The following ADCY1 variants were observed in gnomAD, a reference collection of about 807,000 sequenced individuals.
ADCY1 encodes the protein adenylate cyclase 1, also known as adenylate cyclase type 1.
In ADCY1, 28 loss-of-function variants were observed where a neutral mutation model predicts 105.4. That is an observed-to-expected ratio of 0.27 (90% CI 0.20 to 0.36). The LOEUF is 0.36. Among genes scored for constraint, ADCY1 ranks in the 10% least tolerant of loss-of-function variants. The pLI is 1.00. For synonymous variants in ADCY1, 655 were observed against 623.8 expected (o/e 1.05, Z -0.75); for missense variants, 977 against 1,434.2 (o/e 0.68, Z 5.15).
At chr7:45,650,094 T>C (rs754878977) in intron 5 of ADCY1, among the ~76,000 whole-genome samples, 4 of 152,162 alleles carry the variant, frequency 2.6e-5, no homozygotes, top group Non-Finnish European at 5.9e-5. Context: ...TCACAGCATA[T>C]CATATATATT....
intron 17 of ADCY1, 132 bp downstream of exon 17, chr7:45,704,748 G>T: frequency 1.4e-6 from 1 of 700,876 alleles, no homozygotes. Context: ...CAGCTTGAGT[G>T]CTGTTTTTGT....
Position 45,679,239 on chromosome 7 carries a change from G to A in ADCY1, c.1899-470G>A, listed in dbSNP as rs147471596. Reference sequence around the variant, plus strand: ...GGAGGAGGAGGGAGTTCAGCCCTGGGTGCTCTGCATCCTGCCCAGCCCACA... The same window carrying A: ...GGAGGAGGAGGGAGTTCAGCCCTGGATGCTCTGCATCCTGCCCAGCCCACA... On this transcript the variant is annotated intron_variant, in intron 10 of 19. Coordinates refer to ENST00000297323, the MANE Select transcript of ADCY1 (RefSeq NM_021116.4). Among the ~76,000 whole-genome samples the A allele has an allele frequency of 8.6e-3, 1,308 of 152,282 alleles. 25 individuals are homozygous for A. The highest frequency in any genetic ancestry group is 0.03 in the African/African-American group (1,239 of 41,544).
chr7:45,617,019 G>A (rs1285533110), intron 3 of ADCY1, among the ~76,000 whole-genome samples: 3 of 152,198 alleles, frequency 2.0e-5, no homozygotes, highest in Non-Finnish European at 4.4e-5. Flanking sequence ...CAGCTGGGAG[G>A]CTGTAAGCAG....
chr7:45,688,941 G>A (rs1784738100), intron 14 of ADCY1, among the ~76,000 whole-genome samples: 1 of 151,400 alleles, frequency 6.6e-6, no homozygotes, highest in Admixed American at 6.6e-5. Context: ...TCTACCCGCT[G>A]TCTGTAGATT....
In ADCY1 at chr7:45,574,706, C is replaced by A. The variant is rs1191770455; in HGVS notation, c.163C>A (p.Arg55=). Residue 55 remains arginine (R), a synonymous_variant, in exon 1 of 20, where the codon CGG becomes AGG. Coordinates refer to ENST00000297323, the MANE Select transcript of ADCY1 (RefSeq NM_021116.4). The surrounding 1 kb of genome is among the most constrained non-coding windows in gnomAD (Gnocchi z 7.0). ...GGCGCTGTTCCGCGGCTACACGCTG[C>A]GGCTGGAGCAGGCGGCCACGCTGAA... ...LEALFRGYTL[R]LEQAATLKAL... is the part of the protein sequence containing the mutation. 10 of 1,405,870 alleles carry A rather than the reference C, an allele frequency of 7.1e-6. No homozygotes were observed. The highest frequency in any genetic ancestry group is 1.5e-5 in the South Asian group (1 of 65,098). 87.1% of individuals were successfully genotyped at this position (1,405,870 alleles called of 1,614,324 possible). A position where few individuals can be genotyped will look rare whatever the true frequency, so the allele number is the denominator to read the frequency against.
chr7:45,711,429 A>G (rs1785228126), intron 19 of ADCY1, among the ~76,000 whole-genome samples: 1 of 151,852 alleles, frequency 6.6e-6, no homozygotes, highest in Non-Finnish European at 1.5e-5. Context: ...CAAAACATAG[A>G]TGGGGCTTCC....
intron 4 of ADCY1, among the ~76,000 whole-genome samples, chr7:45,632,509 G>A (rs978130982): frequency 3.4e-5 from 5 of 148,214 alleles, no homozygotes; most frequent in Admixed American, 6.7e-5. Flanking sequence ...CAGAAAAAAT[G>A]TATAGAAAAA....
At chr7:45,593,228 C>T (rs543971285) in intron 2 of ADCY1, among the ~76,000 whole-genome samples, 2 of 152,186 alleles carry the variant, frequency 1.3e-5, no homozygotes, top group Non-Finnish European at 1.5e-5. Context: ...GGCTGGGCCT[C>T]GGATGAATGT....
At chr7:45,614,907 A>G (rs1318961409) in intron 3 of ADCY1, among the ~76,000 whole-genome samples, 1 of 152,242 alleles carries the variant, frequency 6.6e-6, no homozygotes, top group Non-Finnish European at 1.5e-5. Flanking sequence ...GTAAAAAGAA[A>G]TAGACCACAA....
intron 6 of ADCY1, among the ~76,000 whole-genome samples, chr7:45,659,786 C>T (rs917468401): frequency 6.6e-6 from 1 of 152,232 alleles, no homozygotes; most frequent in South Asian, 2.1e-4. Context: ...TTCCTCTGCT[C>T]TCCCTCTGGC....
rs1785046856 is a variant in ADCY1, at chr7:45,703,681, G to A, written c.2653G>A (p.Asp885Asn). The change falls in exon 16 of 20, where the codon GAC (aspartate) becomes AAC (asparagine). Residue 885 changes from aspartate to asparagine, a missense_variant. Transcript: ENST00000297323. The surrounding 1 kb of genome is among the most constrained non-coding windows in gnomAD (Gnocchi z 5.9). ...CTTCAATGACTTCTACATCGAGCTG[G>A]ACGGCAACAACATGGGGGTGGAGTG... ...PNFNDFYIELDGNNMGVECLR... is the reference protein window; with the variant it reads ...PNFNDFYIELNGNNMGVECLR... 1 of 1,612,714 alleles carries A rather than the reference G, an allele frequency of 6.2e-7. No individual in the cohort carries two copies. The highest frequency in any genetic ancestry group is 8.5e-7 in the Non-Finnish European group (1 of 1,179,348).
At chr7:45,629,849 A>G (rs1182521380) in intron 4 of ADCY1, among the ~76,000 whole-genome samples, 3 of 152,264 alleles carry the variant, frequency 2.0e-5, no homozygotes, top group Admixed American at 6.5e-5. Flanking sequence ...AACAGACACA[A>G]TGTTTTCAGA....
chr7:45,586,932 G>A (rs1792745828), intron 1 of ADCY1, among the ~76,000 whole-genome samples: 1 of 152,252 alleles, frequency 6.6e-6, no homozygotes, highest in Non-Finnish European at 1.5e-5. Flanking sequence ...CCCCCGACCT[G>A]TGCCTGCACT....
Position 45,591,061 on chromosome 7 carries a change from C to T in ADCY1, c.640-1698C>T, listed in dbSNP as rs1792902908. On this transcript the variant is annotated intron_variant, in intron 1 of 19. Transcript: ENST00000297323. The surrounding 1 kb of genome is among the most constrained non-coding windows in gnomAD (Gnocchi z 4.1). ...CTCCCTGTCACCTCTTTGAGAGTGG[C>T]TCTGATGTTGTTTCCAGATTGCATG... Among the ~76,000 whole-genome samples the T allele has an allele frequency of 6.6e-6, 1 of 152,200 alleles. No homozygotes were observed. The highest frequency in any genetic ancestry group is 6.5e-5 in the Admixed American group (1 of 15,280).
At chr7:45,615,839 T>A in intron 3 of ADCY1, among the ~76,000 whole-genome samples, 1 of 149,494 alleles carries the variant, frequency 6.7e-6, no homozygotes, top group Non-Finnish European at 1.5e-5. Flanking sequence ...ATGAAGGAAA[T>A]AACAGAGATG....
intron 4 of ADCY1, among the ~76,000 whole-genome samples, chr7:45,643,419 A>G (rs1794577537): frequency 6.6e-6 from 1 of 152,168 alleles, no homozygotes; most frequent in African/African-American, 2.4e-5. Context: ...TTCCATATAT[A>G]GTAGGCTCAA....
intron 4 of ADCY1, among the ~76,000 whole-genome samples, chr7:45,635,601 G>GTTTTTTTTT (rs71030884): frequency 3.5e-5 from 2 of 57,204 alleles, no homozygotes; most frequent in African/African-American, 1.4e-4. Flanking sequence ...AATTTCTCTT[G>GTTTTTTTTT]TTTTTTTTTT....
intron 1 of ADCY1, among the ~76,000 whole-genome samples, chr7:45,589,416 C>A (rs1454876990): frequency 6.6e-6 from 1 of 152,194 alleles, no homozygotes; most frequent in African/African-American, 2.4e-5. Context: ...CTGCAGCCCT[C>A]ATCTCTGAGT....
At chr7:45,597,746 C>T (rs549352397) in intron 2 of ADCY1, among the ~76,000 whole-genome samples, 28 of 152,334 alleles carry the variant, frequency 1.8e-4, no homozygotes, top group African/African-American at 6.0e-4. Context: ...GTAGCTCTCA[C>T]TCTCCTCCCG....
Sources: allele counts gnomAD v4.1 joint callset (sites outside exome capture counted in the v4.1 genomes callset), GRCh38; gene constraint gnomAD v4.1.1; non-coding constraint Gnocchi (gnomAD v3.1); transcripts MANE v1.5; gene names NCBI Gene and HGNC (gene_info 2026-07-23, HGNC 2026-07-21).